The following CREG2 variants were observed in gnomAD, a reference collection of about 807,000 sequenced individuals.
CREG2 encodes the protein protein CREG2.
CREG2 carries 24 observed loss-of-function variants against 26.2 expected under a neutral mutation model. The observed-to-expected ratio is 0.92, with a 90% CI of 0.66 to 1.29. The LOEUF (loss-of-function observed/expected upper bound fraction) is 1.29, where lower values mean the gene tolerates loss of function less well. Ranked by LOEUF, CREG2 falls within the 50% of genes most tolerant of loss-of-function variation. The pLI is 0.00. For synonymous variants in CREG2, 174 were observed against 169.2 expected, an observed-to-expected ratio of 1.03 and a Z score of -0.22; for missense variants, 366 against 398.6, an observed-to-expected ratio of 0.92 and a Z score of 0.70.
At chr2:101,369,899 G>A (rs3923053) in intron 2 of CREG2, among the ~76,000 whole-genome samples, 35,239 of 152,080 alleles carry the variant, frequency 0.23, 4,843 homozygotes, top group South Asian at 0.35. Context: ...CATGATATTC[G>A]AACAATTCAA....
At chr2:101,380,697 C>T (rs1273444144) in intron 2 of CREG2, among the ~76,000 whole-genome samples, 1 of 152,110 alleles carries the variant, frequency 6.6e-6, no homozygotes, top group African/African-American at 2.4e-5. Context: ...TAATCCCAAG[C>T]GTGGGAGGCT....
At chr2:101,364,148 C>G (rs1684586719) in intron 2 of CREG2, among the ~76,000 whole-genome samples, 1 of 152,142 alleles carries the variant, frequency 6.6e-6, no homozygotes, top group African/African-American at 2.4e-5. Context: ...ACCCCAAATG[C>G]CAATAGAACC....
At chr2:101,356,127 C>T (rs528319271) in intron 2 of CREG2, among the ~76,000 whole-genome samples, 35 of 152,294 alleles carry the variant, frequency 2.3e-4, no homozygotes, top group African/African-American at 8.2e-4. Flanking sequence ...CAGCCAGGCT[C>T]CTCTCCAAAG....
At chr2:101,357,461 C>T (rs891325095) in intron 2 of CREG2, among the ~76,000 whole-genome samples, 2 of 152,168 alleles carry the variant, frequency 1.3e-5, no homozygotes, top group African/African-American at 4.8e-5. Context: ...CAAGAGAAAG[C>T]TCTTCTTGGC....
At chr2:101,362,814 C>A (rs1684562120) in intron 2 of CREG2, among the ~76,000 whole-genome samples, 1 of 152,126 alleles carries the variant, frequency 6.6e-6, no homozygotes, top group South Asian at 2.1e-4. Context: ...GCTTGTAAAC[C>A]AAGAGGATTC....
intron 2 of CREG2, 101 bp from the exon 3 acceptor site, chr2:101,355,467 G>A: frequency 1.4e-6 from 1 of 707,376 alleles, no homozygotes; most frequent in Non-Finnish European, 2.5e-6. Context: ...CACATTCCTG[G>A]TTATATCATT....
intron 2 of CREG2, among the ~76,000 whole-genome samples, chr2:101,362,391 A>T (rs1231764947): frequency 4.6e-5 from 7 of 152,182 alleles, no homozygotes; most frequent in Admixed American, 4.6e-4. Flanking sequence ...TGAACTGTTA[A>T]ATTTCACAAT....
chr2:101,381,325 G>A (rs928772971), intron 2 of CREG2, among the ~76,000 whole-genome samples: 1 of 152,144 alleles, frequency 6.6e-6, no homozygotes, highest in Non-Finnish European at 1.5e-5. Context: ...GTTTATTCGG[G>A]GCTCTTTTTC....
chr2:101,379,605 T>C (rs1684840277), intron 2 of CREG2, among the ~76,000 whole-genome samples: 1 of 152,206 alleles, frequency 6.6e-6, no homozygotes, highest in Non-Finnish European at 1.5e-5. Flanking sequence ...GGATTGCTAA[T>C]GGAAAAGCAC....
chr2:101,351,200 A>G, intron 3 of CREG2, 130 bp from the exon 4 acceptor site: 1 of 858,786 alleles, frequency 1.2e-6, no homozygotes. Context: ...CAGAGGCAGA[A>G]CCAGGGAGCT....
At chr2:101,380,588 C>G (rs1684856911) in intron 2 of CREG2, among the ~76,000 whole-genome samples, 1 of 152,206 alleles carries the variant, frequency 6.6e-6, no homozygotes, top group Non-Finnish European at 1.5e-5. Flanking sequence ...CACGCCCTCC[C>G]CAGCTGCACA....
intron 1 of CREG2, 114 bp from the exon 2 acceptor site, chr2:101,383,816 T>C (rs957984638): frequency 1.0e-6 from 1 of 991,800 alleles, no homozygotes; most frequent in Admixed American, 2.5e-5. Flanking sequence ...GGGGGGATCA[T>C]GGCATCACAG....
At chr2:101,354,018 G>A (rs1308897602) in intron 3 of CREG2, among the ~76,000 whole-genome samples, 4 of 152,042 alleles carry the variant, frequency 2.6e-5, no homozygotes, top group Non-Finnish European at 5.9e-5. Context: ...TAATGTATGG[G>A]GGACCTTAAA....
At chr2:101,354,938 G>A (rs943367012) in intron 3 of CREG2, among the ~76,000 whole-genome samples, 3 of 152,062 alleles carry the variant, frequency 2.0e-5, no homozygotes, top group African/African-American at 7.2e-5. Context: ...TTTGTTTCAA[G>A]TGGATGCTTG....
intron 2 of CREG2, among the ~76,000 whole-genome samples, chr2:101,378,558 T>C (rs2104483831): frequency 6.6e-6 from 1 of 152,340 alleles, no homozygotes; most frequent in South Asian, 2.1e-4. Flanking sequence ...ATATCAGCCG[T>C]GATGGCTGTG....
At position 101,352,672 on chromosome 2, in the gene CREG2, G is replaced by A. The variant is rs1227467877; in HGVS notation, c.726-1602C>T. The stretch of plus-strand genomic sequence containing the variant: ...AAAATATAAAAATTAGCCAGCCGTG[G>A]TGGTGCACACCTGTAATCCCAGCTA... On this transcript the variant is annotated intron_variant, in intron 3 of 3. Transcript: ENST00000324768. Among the ~76,000 whole-genome samples, 4 of 152,214 alleles carry A rather than the reference G, an allele frequency of 2.6e-5. No homozygotes were observed. In the East Asian group the frequency reaches 7.7e-4, roughly 29 times the overall value.
rs760960158 is a variant in CREG2 at position 101,384,779 on chromosome 2, T to G, written c.442-1077A>C. Among the ~76,000 whole-genome samples the G allele has an allele frequency of 4.8e-4, 73 of 152,296 alleles. 1 individual carries two copies. Among genetic ancestry groups the G allele is most frequent in the Non-Finnish European group, 2.6e-4 (18 of 68,032 alleles). ...GAAAGACTGAGGCAGCAGGGTTGCT[T>G]GAGCCCAGGAGTTTGAGGCAGCAGT... On this transcript the variant is annotated intron_variant, in intron 1 of 3. Transcript: ENST00000324768.
At chr2:101,382,997 C>T (rs775047682) in intron 2 of CREG2, 14 of 986,276 alleles carry the variant, frequency 1.4e-5, no homozygotes, top group African/African-American at 1.7e-5. Context: ...TCTGTTAGTG[C>T]TTAAATGTCT....
intron 2 of CREG2, among the ~76,000 whole-genome samples, chr2:101,374,820 G>C (rs555724963): frequency 1.3e-5 from 2 of 152,316 alleles, no homozygotes; most frequent in Non-Finnish European, 2.9e-5. Flanking sequence ...TACCAGTATA[G>C]TTAAAAAGAT....
Sources: allele counts gnomAD v4.1 joint callset (sites outside exome capture counted in the v4.1 genomes callset), GRCh38; gene constraint gnomAD v4.1.1; transcripts MANE v1.5; gene names NCBI Gene and HGNC (gene_info 2026-07-23, HGNC 2026-07-21).